PTPRD: variants seen among roughly 807,000 people sequenced by gnomAD.
The protein encoded by PTPRD is protein tyrosine phosphatase receptor type D.
In PTPRD, 34 loss-of-function variants were observed where a neutral mutation model predicts 214.5. That is an observed-to-expected ratio of 0.16 (90% CI 0.12 to 0.21). PTPRD has a LOEUF of 0.21. PTPRD is among the 10% of genes least tolerant of loss of function. The pLI is 1.00. For missense variants in PTPRD, 2,545 were observed against 2,398.7 expected (o/e 1.06, Z -1.27); for synonymous variants, 1,128 against 845.7 (o/e 1.33, Z -5.79).
rs540578275 is a variant in PTPRD, at chr9:9,414,076, G to A, written c.-236-16594C>T. 3.9e-5 allele frequency among the ~76,000 whole-genome samples: 6 copies of A among 152,246 alleles called. No individual in the cohort carries two copies. The South Asian group carries it at 8.3e-4, about 21-fold the overall frequency. On this transcript the variant is annotated intron_variant, in intron 8 of 45. Coordinates refer to ENST00000381196, the MANE Select transcript of PTPRD (RefSeq NM_002839.4). ...TTCACCTCCTATTATTTAAAACAAC[G>A]TTTGATTGGGTTCAAACTCTCTCCT...
intron 3 of PTPRD, among the ~76,000 whole-genome samples, chr9:10,333,695 C>T (rs965673819): frequency 1.3e-5 from 2 of 151,718 alleles, no homozygotes; most frequent in African/African-American, 2.4e-5. Context: ...AGGATATCTA[C>T]GAAGAGTTTA....
intron 14 of PTPRD, among the ~76,000 whole-genome samples, chr9:8,590,714 T>G (rs1278238008): frequency 6.6e-6 from 1 of 152,138 alleles, no homozygotes; most frequent in Non-Finnish European, 1.5e-5. Flanking sequence ...GGCATATGGA[T>G]AGTAAATATA....
rs373297539 is a variant in PTPRD at position 10,287,862 on chromosome 9, C to T, written c.-545+53101G>A. 2.9e-4 allele frequency among the ~76,000 whole-genome samples: 44 copies of T among 152,072 alleles called. No individual in the cohort carries two copies. The East Asian group carries it at 7.2e-3, about 25-fold the overall frequency. On this transcript the variant is annotated intron_variant, in intron 3 of 45. Transcript: ENST00000381196. ...CAGAGCGATTCTTCAGCCAAAATGA[C>T]CAACATAGTGTTTTGCCAGACAGAG...
chr9:9,584,647 T>C (rs1486436668), intron 7 of PTPRD, among the ~76,000 whole-genome samples: 1 of 151,968 alleles, frequency 6.6e-6, no homozygotes, highest in Non-Finnish European at 1.5e-5. Flanking sequence ...ATTCCTCTTC[T>C]ATTACTTTAT....
chr9:8,649,009 A>C (rs561892028), intron 12 of PTPRD, among the ~76,000 whole-genome samples: 10 of 152,332 alleles, frequency 6.6e-5, no homozygotes, highest in African/African-American at 2.4e-4. Flanking sequence ...TGGGTCACAC[A>C]GGAAAGGTAA....
At chr9:10,307,989 C>T (rs2096139113) in intron 3 of PTPRD, among the ~76,000 whole-genome samples, 1 of 151,936 alleles carries the variant, frequency 6.6e-6, no homozygotes, top group Non-Finnish European at 1.5e-5. Context: ...GAATAGTTTG[C>T]AAATATTTTT....
At chr9:10,100,713 T>C (rs1346478260) in intron 3 of PTPRD, among the ~76,000 whole-genome samples, 1 of 151,640 alleles carries the variant, frequency 6.6e-6, no homozygotes. Context: ...GAAGAATGAA[T>C]ATATATTGAG....
chr9:9,878,061 ATTGT>A (rs2067433722), intron 5 of PTPRD, among the ~76,000 whole-genome samples: 2 of 151,706 alleles, frequency 1.3e-5, no homozygotes, highest in Admixed American at 1.3e-4. Context: ...AATCTCACTG[ATTGT>A]TTGATCAGAT....
chr9:8,670,611 A>G, intron 12 of PTPRD, among the ~76,000 whole-genome samples: 1 of 152,204 alleles, frequency 6.6e-6, no homozygotes, highest in Non-Finnish European at 1.5e-5. Flanking sequence ...TTCGCGTTCT[A>G]AACTTTAAAT....
At chr9:8,408,240 A>C (rs1034659569) in intron 35 of PTPRD, among the ~76,000 whole-genome samples, 1 of 152,170 alleles carries the variant, frequency 6.6e-6, no homozygotes, top group African/African-American at 2.4e-5. Context: ...TTTTTACTAT[A>C]AAGCTAAGCT....
At chr9:9,293,098 T>C (rs1056683906) in intron 9 of PTPRD, among the ~76,000 whole-genome samples, 1 of 151,482 alleles carries the variant, frequency 6.6e-6, no homozygotes, top group African/African-American at 2.4e-5. Flanking sequence ...GCACATCCCA[T>C]ATGGAAGTGG....
chr9:8,346,839 G>A (rs2073964276), intron 39 of PTPRD, among the ~76,000 whole-genome samples: 1 of 152,078 alleles, frequency 6.6e-6, no homozygotes, highest in Admixed American at 6.6e-5. Context: ...AAGATCTATG[G>A]TAAGAATCAA....
chr9:9,425,929 G>A (rs1271809605), intron 8 of PTPRD, among the ~76,000 whole-genome samples: 3 of 152,222 alleles, frequency 2.0e-5, no homozygotes, highest in East Asian at 3.9e-4. Context: ...ACTGGGGGAG[G>A]TTCCAAGATG....
chr9:9,609,247 C>G (rs1256127997), intron 7 of PTPRD, among the ~76,000 whole-genome samples: 1 of 151,964 alleles, frequency 6.6e-6, no homozygotes, highest in Non-Finnish European at 1.5e-5. Flanking sequence ...AATGATGAAC[C>G]TAAAATAGAA....
chr9:8,456,517 A>G (rs900360672), intron 33 of PTPRD, among the ~76,000 whole-genome samples: 1 of 152,182 alleles, frequency 6.6e-6, no homozygotes, highest in Non-Finnish European at 1.5e-5. Flanking sequence ...AGCAGAGTCA[A>G]CCAGCAGCTT....
chr9:9,821,094 A>G (rs2050556794), intron 5 of PTPRD, among the ~76,000 whole-genome samples: 1 of 152,062 alleles, frequency 6.6e-6, no homozygotes, highest in Admixed American at 6.6e-5. Context: ...GACATTGATT[A>G]TTTCAATCCA....
At chr9:9,536,857 T>C (rs898090203) in intron 8 of PTPRD, among the ~76,000 whole-genome samples, 7 of 152,056 alleles carry the variant, frequency 4.6e-5, no homozygotes, top group African/African-American at 9.7e-5. Context: ...AAAACTTTCT[T>C]GTCGCAAGAG....
At chr9:9,323,044 G>A (rs1223438898) in intron 9 of PTPRD, among the ~76,000 whole-genome samples, 1 of 151,994 alleles carries the variant, frequency 6.6e-6, no homozygotes, top group Non-Finnish European at 1.5e-5. Flanking sequence ...TTAAGTTACT[G>A]TTTACAATTT....
chr9:10,312,964 G>A (rs1168601500), intron 3 of PTPRD, among the ~76,000 whole-genome samples: 1 of 151,908 alleles, frequency 6.6e-6, no homozygotes, highest in African/African-American at 2.4e-5. Context: ...CCATCCTTTA[G>A]TCTGTCAATG....
Sources: gnomAD v4.1 joint callset for allele counts (sites outside exome capture counted in the v4.1 genomes callset) on GRCh38, gnomAD v4.1.1 for gene constraint, MANE v1.5 for transcripts, NCBI Gene and HGNC (gene_info 2026-07-23, HGNC 2026-07-21) for gene names.